The following USP25 variants were observed in gnomAD, a reference collection of about 807,000 sequenced individuals.
The protein encoded by USP25 is ubiquitin carboxyl-terminal hydrolase 25.
Under a neutral mutation model 158.5 loss-of-function variants are expected in USP25, and 85 were observed. That is an observed-to-expected ratio of 0.54 (90% CI 0.45 to 0.64). USP25 has a LOEUF of 0.64. Among genes scored for constraint, USP25 ranks in the 30% least tolerant of loss-of-function variants. USP25 has a pLI of 0.00. For missense variants in USP25, 1,242 were observed against 1,327.3 expected, an observed-to-expected ratio of 0.94 and a Z score of 1.00; for synonymous variants, 464 against 460.4, an observed-to-expected ratio of 1.01 and a Z score of -0.10.
intron 20 of USP25, among the ~76,000 whole-genome samples, chr21:15,853,690 G>A (rs74745163): frequency 0.075 from 11,417 of 151,980 alleles, 506 homozygotes; most frequent in East Asian, 0.093. Context: ...GGCTTTCTGC[G>A]TTCTGTATTA....
In USP25 at chr21:15,831,454, G is replaced by A; in HGVS notation, c.1818G>A (p.Gly606=). Residue 606 remains glycine, a synonymous_variant, in exon 16 of 26, where the codon GGG becomes GGA. Transcript: ENST00000400183. ...TTCACGAAGGCCAAGCTAATGCTGG[G>A]CACTACTGGGCATATATTTTTGATC... ...VLVHEGQANA[G]HYWAYIFDHR... 6.2e-7 allele frequency: 1 copy of A among 1,614,010 alleles called. No homozygotes were observed. Among genetic ancestry groups the A allele is most frequent in the South Asian group, 1.1e-5 (1 of 91,076 alleles).
chr21:15,742,100 A>T (rs1234221794), intron 1 of USP25, among the ~76,000 whole-genome samples: 1 of 149,190 alleles, frequency 6.7e-6, no homozygotes, highest in African/African-American at 2.5e-5. Context: ...GGGCAGAAAG[A>T]TACTTCCTTT....
intron 18 of USP25, among the ~76,000 whole-genome samples, chr21:15,846,892 A>G (rs912514572): frequency 1.3e-5 from 2 of 152,204 alleles, no homozygotes; most frequent in East Asian, 1.9e-4. Flanking sequence ...TGACTTCTGT[A>G]TTAGTGTAGA....
At chr21:15,785,240 A>G (rs2035205265) in intron 4 of USP25, among the ~76,000 whole-genome samples, 1 of 152,218 alleles carries the variant, frequency 6.6e-6, no homozygotes, top group Admixed American at 6.5e-5. Flanking sequence ...CAGAACATCC[A>G]AATATATAAA....
rs919122012 is a variant in USP25 at position 15,879,031 on chromosome 21, A to G, written c.*556A>G. ...AATACAATCTTTTAATTCTGCTCTA[A>G]TGCTAGCAAATTGGAAAATGTTTAA... On this transcript the variant is annotated 3_prime_UTR_variant, in exon 26 of 26. Transcript: ENST00000400183. 2.0e-5 allele frequency: 3 copies of G among 152,536 alleles called. No homozygotes were observed. The highest frequency in any genetic ancestry group is 3.9e-4 in the East Asian group (2 of 5,192). 9.4% of individuals were successfully genotyped at this position (152,536 alleles called of 1,614,324 possible). A position where few individuals can be genotyped will look rare whatever the true frequency, so the allele number is the denominator to read the frequency against.
At chr21:15,733,029 A>G (rs530236564) in intron 1 of USP25, among the ~76,000 whole-genome samples, 194 of 148,634 alleles carry the variant, frequency 1.3e-3, no homozygotes, top group African/African-American at 4.5e-3. Flanking sequence ...TTTTGGACAT[A>G]TATCTTCAGC....
At chr21:15,789,793 C>G (rs1467028039) in intron 4 of USP25, among the ~76,000 whole-genome samples, 2 of 151,832 alleles carry the variant, frequency 1.3e-5, no homozygotes, top group Non-Finnish European at 2.9e-5. Flanking sequence ...ATATATATTA[C>G]AAAAGGAACA....
chr21:15,787,836 T>C (rs1308675775), intron 4 of USP25, among the ~76,000 whole-genome samples: 1 of 151,522 alleles, frequency 6.6e-6, no homozygotes, highest in Non-Finnish European at 1.5e-5. Context: ...TGAAGTGGGA[T>C]ATTTTCAGTA....
chr21:15,802,565 A>G (rs184466023), intron 6 of USP25, among the ~76,000 whole-genome samples: 23 of 151,732 alleles, frequency 1.5e-4, no homozygotes, highest in African/African-American at 5.5e-4. Flanking sequence ...AAAAAAACAA[A>G]TCAAATGAGT....
chr21:15,736,630 A>G (rs1334993839), intron 1 of USP25, among the ~76,000 whole-genome samples: 2 of 151,208 alleles, frequency 1.3e-5, no homozygotes, highest in East Asian at 1.9e-4. Context: ...TTTATAATAT[A>G]AAATTTTGAT....
At chr21:15,758,971 A>G (rs141972565) in intron 1 of USP25, among the ~76,000 whole-genome samples, 3 of 152,294 alleles carry the variant, frequency 2.0e-5, no homozygotes, top group African/African-American at 7.2e-5. Flanking sequence ...TTAAATTTTT[A>G]TAATTAATGG....
intron 4 of USP25, among the ~76,000 whole-genome samples, chr21:15,784,068 A>C (rs1170212498): frequency 6.6e-6 from 1 of 152,242 alleles, no homozygotes; most frequent in Admixed American, 6.5e-5. Context: ...AAACACTTAG[A>C]GGAAATAATA....
At chr21:15,823,951 T>C (rs2037363960) in intron 10 of USP25, 88 bp from the exon 11 acceptor site, 1 of 1,323,500 alleles carries the variant, frequency 7.6e-7, no homozygotes, top group East Asian at 2.5e-5. Flanking sequence ...CATATAACAA[T>C]GTCAGTGCCC....
intron 4 of USP25, among the ~76,000 whole-genome samples, chr21:15,783,794 A>G (rs770776195): frequency 2.5e-3 from 244 of 98,796 alleles, no homozygotes; most frequent in Non-Finnish European, 3.3e-3. Context: ...CGTCTGTACT[A>G]AAAAAAAAAA....
intron 17 of USP25, among the ~76,000 whole-genome samples, chr21:15,840,872 C>T (rs938079375): frequency 2.7e-4 from 41 of 152,208 alleles, no homozygotes; most frequent in African/African-American, 9.1e-4. Flanking sequence ...GGAAGAGTGC[C>T]AAACACAAGG....
chr21:15,818,574 A>G, intron 9 of USP25, 124 bp from the exon 10 acceptor site: 2 of 796,202 alleles, frequency 2.5e-6, no homozygotes, highest in Non-Finnish European at 3.8e-6. Flanking sequence ...TAACACTAAC[A>G]CTTCTCAGGA....
chr21:15,730,744 CTT>C (rs1000668975), intron 1 of USP25, among the ~76,000 whole-genome samples: 6 of 152,218 alleles, frequency 3.9e-5, no homozygotes, highest in Non-Finnish European at 7.3e-5. Flanking sequence ...CTTAATGAAA[CTT>C]TATTCTCTCC....
At chr21:15,757,625 C>T (rs2033463574) in intron 1 of USP25, among the ~76,000 whole-genome samples, 1 of 152,158 alleles carries the variant, frequency 6.6e-6, no homozygotes, top group Non-Finnish European at 1.5e-5. Flanking sequence ...TGACTTTTTT[C>T]ACATGTGCCT....
At chr21:15,845,896 T>C (rs955234670) in intron 18 of USP25, among the ~76,000 whole-genome samples, 1 of 151,820 alleles carries the variant, frequency 6.6e-6, no homozygotes. Context: ...AGTATTAGGT[T>C]AAAATTATTC....
Sources: allele counts gnomAD v4.1 joint callset (sites outside exome capture counted in the v4.1 genomes callset), GRCh38; gene constraint gnomAD v4.1.1; transcripts MANE v1.5; gene names NCBI Gene and HGNC (gene_info 2026-07-23, HGNC 2026-07-21).